The following SLC24A3 variants were observed in gnomAD, a reference collection of about 807,000 sequenced individuals.
SLC24A3 encodes the protein sodium/potassium/calcium exchanger 3.
A neutral mutation model predicts 75.8 loss-of-function variants in SLC24A3; 28 were observed. That is an observed-to-expected ratio of 0.37 (90% CI 0.27 to 0.51). The LOEUF is 0.51. Ranked by LOEUF, SLC24A3 falls within the 20% of genes least tolerant of loss-of-function variation. SLC24A3 has a pLI of 0.94. For missense variants in SLC24A3, 663 were observed against 847.8 expected (o/e 0.78, Z 2.71); for synonymous variants, 372 against 334.1 (o/e 1.11, Z -1.24).
chr20:19,592,353 A>G (rs1457029052), intron 6 of SLC24A3, among the ~76,000 whole-genome samples: 1 of 152,170 alleles, frequency 6.6e-6, no homozygotes, highest in African/African-American at 2.4e-5. Flanking sequence ...ATCACACTCG[A>G]CTAAGCACTC....
At chr20:19,265,354 T>C (rs945504723) in intron 1 of SLC24A3, among the ~76,000 whole-genome samples, 1 of 152,240 alleles carries the variant, frequency 6.6e-6, no homozygotes, top group East Asian at 1.9e-4. Flanking sequence ...AGAAGCCACT[T>C]GAGAGGCTCT....
In SLC24A3 at chr20:19,343,302, G is replaced by C. The variant is rs140772569; in HGVS notation, c.271+62215G>C. ...CCACACAACCTGAGTTTGAGTCTTGGCTTTACCATTTCAATTGTGTGACCT... is the reference window on the plus strand; with the variant it reads ...CCACACAACCTGAGTTTGAGTCTTGCCTTTACCATTTCAATTGTGTGACCT... On this transcript the variant is annotated intron_variant, in intron 2 of 16. Transcript: ENST00000328041. 3.4e-3 allele frequency among the ~76,000 whole-genome samples: 513 copies of C among 152,062 alleles called. 4 individuals are homozygous for C. Among genetic ancestry groups the C allele is most frequent in the African/African-American group, 0.012 (491 of 41,452 alleles).
Position 19,212,703 on chromosome 20 carries a change from C to T in SLC24A3, c.-140C>T, listed in dbSNP as rs573842835. 135 of 560,698 alleles carry T rather than the reference C, an allele frequency of 2.4e-4. 1 individual carries two copies. In the South Asian group the frequency reaches 8.7e-3, roughly 36 times the overall value. The allele number at this position is 560,698 out of a possible 1,614,324, so 34.7% of individuals were successfully genotyped here. On this transcript the variant is annotated 5_prime_UTR_variant, in exon 1 of 17. Transcript: ENST00000328041. ...AGCGGCGAGGAGGAGGAAGAGGAGG[C>T]GGAGGCGGCGGCCGGGTGGGAGCGC...
chr20:19,677,686 CTTTTTTTTTTT>C (rs796484728), intron 9 of SLC24A3, among the ~76,000 whole-genome samples: 1 of 113,962 alleles, frequency 8.8e-6, no homozygotes, highest in South Asian at 3.2e-4. Context: ...TTTTTTTTTT[CTTTTTTTTTTT>C]TTTTTTTTTA....
intron 6 of SLC24A3, among the ~76,000 whole-genome samples, chr20:19,641,899 C>T (rs868401353): frequency 1.3e-5 from 2 of 152,260 alleles, no homozygotes; most frequent in Non-Finnish European, 2.9e-5. Flanking sequence ...AACAAAGACA[C>T]CCAGGTCATT....
chr20:19,572,071 T>C (rs989365207), intron 3 of SLC24A3, among the ~76,000 whole-genome samples: 25 of 152,180 alleles, frequency 1.6e-4, no homozygotes, highest in African/African-American at 6.0e-4. Context: ...GTGCAGTGGC[T>C]CACACCTGTA....
intron 6 of SLC24A3, among the ~76,000 whole-genome samples, chr20:19,637,040 G>A (rs2032010517): frequency 6.6e-6 from 1 of 152,192 alleles, no homozygotes; most frequent in Non-Finnish European, 1.5e-5. Flanking sequence ...GCTCACACCT[G>A]TAAAATCCCA....
intron 2 of SLC24A3, among the ~76,000 whole-genome samples, chr20:19,346,440 A>G (rs376812741): frequency 2.2e-4 from 33 of 149,216 alleles, no homozygotes; most frequent in East Asian, 2.2e-3. Flanking sequence ...TATGGTGTAT[A>G]TATACACACA....
chr20:19,662,673 C>A (rs1767649373), intron 7 of SLC24A3, among the ~76,000 whole-genome samples: 1 of 152,218 alleles, frequency 6.6e-6, no homozygotes, highest in Non-Finnish European at 1.5e-5. Flanking sequence ...TAATACTTAT[C>A]TAAGGGATGG....
At chr20:19,352,579 A>G (rs1985595672) in intron 2 of SLC24A3, among the ~76,000 whole-genome samples, 1 of 152,170 alleles carries the variant, frequency 6.6e-6, no homozygotes, top group Admixed American at 6.5e-5. Flanking sequence ...GGGATTCAGG[A>G]ACTTCCTAAG....
intron 3 of SLC24A3, among the ~76,000 whole-genome samples, chr20:19,540,562 G>T (rs994844349): frequency 6.6e-6 from 1 of 152,196 alleles, no homozygotes; most frequent in Non-Finnish European, 1.5e-5. Context: ...TGCATCATAA[G>T]TTCCAAACAG....
At chr20:19,663,413 C>CTCCTCCTCCACT (rs1568689525) in intron 7 of SLC24A3, among the ~76,000 whole-genome samples, 5 of 5,912 alleles carry the variant, frequency 8.5e-4, no homozygotes, top group East Asian at 2.3e-3. Flanking sequence ...CCTCCACCTC[C>CTCCTCCTCCACT]TCCTCCTCCT....
intron 3 of SLC24A3, among the ~76,000 whole-genome samples, chr20:19,551,236 G>T (rs534948033): frequency 2.0e-5 from 3 of 152,322 alleles, no homozygotes; most frequent in Admixed American, 2.0e-4. Flanking sequence ...ACCTCACATG[G>T]AATAAACCAG....
chr20:19,663,267 C>T (rs1445619247), intron 7 of SLC24A3, among the ~76,000 whole-genome samples: 1 of 151,358 alleles, frequency 6.6e-6, no homozygotes, highest in Non-Finnish European at 1.5e-5. Context: ...ATTTCTAGTC[C>T]CTTTTGTTCA....
chr20:19,601,929 T>G (rs2031532348), intron 6 of SLC24A3, among the ~76,000 whole-genome samples: 1 of 152,192 alleles, frequency 6.6e-6, no homozygotes, highest in Non-Finnish European at 1.5e-5. Context: ...TCCCAGCATT[T>G]TAGGAGGCTG....
intron 7 of SLC24A3, among the ~76,000 whole-genome samples, chr20:19,659,173 CTG>C (rs2032298568): frequency 1.3e-5 from 2 of 152,210 alleles, no homozygotes; most frequent in African/African-American, 4.8e-5. Context: ...TTCACAAGTG[CTG>C]TCTGTCTGCT....
chr20:19,544,133 C>T lies in SLC24A3; in HGVS notation c.348+28569C>T, dbSNP rs568366969. On this transcript the variant is annotated intron_variant, in intron 3 of 16. Coordinates refer to ENST00000328041, the MANE Select transcript of SLC24A3 (RefSeq NM_020689.4). ...CCACTTGATTCATGTATTTTACCTC[C>T]GAAGGGTTTTTAGACCATTTTCCAA... 5.9e-5 allele frequency among the ~76,000 whole-genome samples: 9 copies of T among 152,274 alleles called. No individual in the cohort carries two copies. In the South Asian group the frequency reaches 1.0e-3, roughly 18 times the overall value.
chr20:19,708,507 C>T (rs182564860), intron 15 of SLC24A3, among the ~76,000 whole-genome samples: 67 of 152,316 alleles, frequency 4.4e-4, no homozygotes, highest in South Asian at 3.3e-3. Flanking sequence ...TTCCTTCCCA[C>T]GCCCCCAGGG....
Position 19,558,307 on chromosome 20 carries a change from G to C in SLC24A3, c.349-21693G>C, listed in dbSNP as rs375296076. Among the ~76,000 whole-genome samples, 71 of 152,154 alleles carry C rather than the reference G, an allele frequency of 4.7e-4. No individual in the cohort carries two copies. In the Middle Eastern group the frequency reaches 0.01, roughly 22 times the overall value. ...CCCAGGCTGGGGTGCAGTGGTGTAA[G>C]AAACTTTTTATTTTGAAATAATTTT... On this transcript the variant is annotated intron_variant, in intron 3 of 16. Transcript: ENST00000328041.
Sources: allele counts gnomAD v4.1 joint callset (sites outside exome capture counted in the v4.1 genomes callset), GRCh38; gene constraint gnomAD v4.1.1; transcripts MANE v1.5; gene names NCBI Gene and HGNC (gene_info 2026-07-23, HGNC 2026-07-21).